Variants in BMPR1B observed in about 807,000 individuals in gnomAD.
BMPR1B encodes bone morphogenetic protein receptor type-1B.
BMPR1B carries 12 observed loss-of-function variants against 59.1 expected under a neutral mutation model. The ratio of observed to expected loss-of-function variants is 0.20; its 90% CI spans 0.13 to 0.33. BMPR1B has a LOEUF of 0.33. Among genes scored for constraint, BMPR1B ranks in the 10% least tolerant of loss-of-function variants. The pLI, the probability that BMPR1B is intolerant of heterozygous loss-of-function variation, is 1.00. For synonymous variants in BMPR1B, 237 were observed against 207.3 expected (o/e 1.14, Z -1.23); for missense variants, 550 against 610.9 (o/e 0.90, Z 1.05).
intron 1 of BMPR1B, among the ~76,000 whole-genome samples, chr4:94,831,669 A>G (rs1170938682): frequency 1.3e-5 from 2 of 152,176 alleles, no homozygotes; most frequent in African/African-American, 4.8e-5. Context: ...CCATTATGTT[A>G]TAGTTGCCTA....
At chr4:94,823,640 A>G (rs1162074972) in intron 1 of BMPR1B, among the ~76,000 whole-genome samples, 1 of 152,220 alleles carries the variant, frequency 6.6e-6, no homozygotes, top group Non-Finnish European at 1.5e-5. Context: ...GTAACCATAC[A>G]TATATTTACC....
chr4:94,775,515 G>T (rs147294964), intron 1 of BMPR1B, among the ~76,000 whole-genome samples: 1 of 151,898 alleles, frequency 6.6e-6, no homozygotes, highest in Non-Finnish European at 1.5e-5. Flanking sequence ...TCAAATGCTT[G>T]CTTCTAAAAA....
chr4:95,052,165 T>C (rs1726553785), intron 3 of BMPR1B, among the ~76,000 whole-genome samples: 1 of 152,200 alleles, frequency 6.6e-6, no homozygotes, highest in East Asian at 1.9e-4. Context: ...GGTTAGCTAG[T>C]TTTCTTTGAA....
Position 94,805,985 on chromosome 4 carries a change from A to G in BMPR1B, c.-183+47917A>G, listed in dbSNP as rs530337522. On this transcript the variant is annotated intron_variant, in intron 1 of 12. Coordinates refer to ENST00000515059, the MANE Select transcript of BMPR1B (RefSeq NM_001203.3). ...AACCTAGAAACTCCCAATTTCCTTA[A>G]AATATATTTGTCTGATATTTTCATT... Among the ~76,000 whole-genome samples the G allele has an allele frequency of 7.0e-4, 107 of 152,294 alleles. 2 individuals carry two copies. In the South Asian group the frequency reaches 0.022, roughly 31 times the overall value.
At chr4:94,975,268 G>T (rs768323562) in intron 2 of BMPR1B, among the ~76,000 whole-genome samples, 1 of 151,828 alleles carries the variant, frequency 6.6e-6, no homozygotes, top group Non-Finnish European at 1.5e-5. Context: ...CGTTCTCAGA[G>T]ATTGAGGTTT....
chr4:95,116,401 C>T (rs987393331), intron 6 of BMPR1B, among the ~76,000 whole-genome samples: 6 of 126,940 alleles, frequency 4.7e-5, no homozygotes, highest in Admixed American at 1.5e-4. Context: ...CCTTTCTCCT[C>T]CTCCATGCTT....
chr4:94,957,224 C>T (rs1306132075), intron 2 of BMPR1B, among the ~76,000 whole-genome samples: 1 of 152,020 alleles, frequency 6.6e-6, no homozygotes, highest in East Asian at 1.9e-4. Context: ...CGATGCCTCA[C>T]CTAGGAGGCC....
chr4:95,087,137 C>T lies in BMPR1B; in HGVS notation c.-17-17271C>T, dbSNP rs536691552. 3.4e-3 allele frequency among the ~76,000 whole-genome samples: 520 copies of T among 151,748 alleles called. 1 individual carries two copies. Among genetic ancestry groups the T allele is most frequent in the Non-Finnish European group, 5.8e-3 (392 of 67,928 alleles). On this transcript the variant is annotated intron_variant, in intron 3 of 12. Coordinates refer to ENST00000515059, the MANE Select transcript of BMPR1B (RefSeq NM_001203.3). ...TCCGCCTCCAGGCTCAAGTGATTCTCCTGCCTCAGCCTCTCTAGTAGCTGG... is the reference window on the plus strand; with the variant it reads ...TCCGCCTCCAGGCTCAAGTGATTCTTCTGCCTCAGCCTCTCTAGTAGCTGG...
intron 3 of BMPR1B, among the ~76,000 whole-genome samples, chr4:95,062,001 C>T (rs1727436440): frequency 6.6e-6 from 1 of 152,096 alleles, no homozygotes; most frequent in African/African-American, 2.4e-5. Context: ...CCTGCCGTCA[C>T]GTGAAGATGT....
intron 3 of BMPR1B, among the ~76,000 whole-genome samples, chr4:95,071,652 G>GTATATATATATATATATATATA (rs58148216): frequency 2.0e-4 from 17 of 84,300 alleles, no homozygotes; most frequent in Admixed American, 8.5e-4. Context: ...GTGTGTGTGT[G>GTATATATATATATATATATATA]TATATATATA....
chr4:95,072,113 A>G (rs1728352545), intron 3 of BMPR1B, among the ~76,000 whole-genome samples: 1 of 152,172 alleles, frequency 6.6e-6, no homozygotes, highest in African/African-American at 2.4e-5. Context: ...GTTCAAGTGC[A>G]AAGAAAGGAA....
intron 2 of BMPR1B, among the ~76,000 whole-genome samples, chr4:94,963,132 T>A (rs893781113): frequency 6.6e-6 from 1 of 152,230 alleles, no homozygotes; most frequent in South Asian, 2.1e-4. Context: ...TTTGGAGAAA[T>A]GTCTGTTCAG....
chr4:94,949,125 C>T (rs901512224), intron 2 of BMPR1B, among the ~76,000 whole-genome samples: 1 of 143,564 alleles, frequency 7.0e-6, no homozygotes, highest in South Asian at 2.1e-4. Flanking sequence ...GCTTCCCTTG[C>T]CCCCCACCCA....
At chr4:95,104,290 T>G in intron 3 of BMPR1B, 118 bp from the exon 4 acceptor site, 1 of 1,226,552 alleles carries the variant, frequency 8.2e-7, no homozygotes, top group Non-Finnish European at 1.1e-6. Flanking sequence ...TTTTTCTGTT[T>G]AAATCTTTAA....
intron 3 of BMPR1B, among the ~76,000 whole-genome samples, chr4:95,037,178 G>A (rs905624587): frequency 2.6e-5 from 4 of 152,092 alleles, no homozygotes; most frequent in Non-Finnish European, 5.9e-5. Flanking sequence ...CTACCTCCCA[G>A]CATTAGAAAA....
chr4:94,900,338 C>CA (rs34541975), intron 2 of BMPR1B, among the ~76,000 whole-genome samples: 22,523 of 110,056 alleles, frequency 0.2, 2,154 homozygotes, highest in African/African-American at 0.32. Flanking sequence ...AAGTGGCCAG[C>CA]AAAAAAAAAA....
At chr4:95,063,417 C>T (rs1030848704) in intron 3 of BMPR1B, among the ~76,000 whole-genome samples, 1 of 151,938 alleles carries the variant, frequency 6.6e-6, no homozygotes, top group African/African-American at 2.4e-5. Flanking sequence ...ATGATTATAG[C>T]CTAGGGTAGA....
intron 10 of BMPR1B, among the ~76,000 whole-genome samples, chr4:95,132,125 C>T (rs916792608): frequency 1.3e-5 from 2 of 152,260 alleles, no homozygotes; most frequent in Admixed American, 6.5e-5. Context: ...CTTACTCTTA[C>T]TTTAATCAGA....
chr4:95,026,126 C>CTTTCTTTCTTTCTTTCTTTCTTTCTT (rs1724378751), intron 3 of BMPR1B, among the ~76,000 whole-genome samples: 1 of 84,774 alleles, frequency 1.2e-5, no homozygotes, highest in African/African-American at 3.2e-5. Flanking sequence ...TTCTTTCTTT[C>CTTTCTTTCTTTCTTTCTTTCTTTCTT]TTTCTTTCTT....
Sources: gnomAD v4.1 joint callset for allele counts (sites outside exome capture counted in the v4.1 genomes callset) on GRCh38, gnomAD v4.1.1 for gene constraint, MANE v1.5 for transcripts, NCBI Gene and HGNC (gene_info 2026-07-23, HGNC 2026-07-21) for gene names.